SLC35F4: variants seen among roughly 807,000 people sequenced by gnomAD.
The protein encoded by SLC35F4 is solute carrier family 35 member F4.
A neutral mutation model predicts 44.2 loss-of-function variants in SLC35F4; 24 were observed. The ratio of observed to expected loss-of-function variants is 0.54; its 90% confidence interval spans 0.39 to 0.76. SLC35F4 has a LOEUF of 0.76. Among genes scored for constraint, SLC35F4 ranks in the 30% least tolerant of loss-of-function variants. The pLI is 0.00. For missense variants in SLC35F4, 562 were observed against 586.1 expected (o/e 0.96, Z 0.42); for synonymous variants, 238 against 223.6 (o/e 1.06, Z -0.57).
At chr14:57,877,084 C>A (rs530342439) in intron 1 of SLC35F4, among the ~76,000 whole-genome samples, 1 of 152,032 alleles carries the variant, frequency 6.6e-6, no homozygotes, top group South Asian at 2.1e-4. Context: ...CACGGGTTCA[C>A]GGTACAGATA....
intron 1 of SLC35F4, among the ~76,000 whole-genome samples, chr14:57,747,199 C>T (rs1278085975): frequency 2.6e-5 from 4 of 152,178 alleles, no homozygotes; most frequent in African/African-American, 7.2e-5. Context: ...TTATGATACA[C>T]GCAAATAAAA....
At chr14:57,898,573 A>G (rs957685076) in intron 1 of SLC35F4, among the ~76,000 whole-genome samples, 1 of 152,236 alleles carries the variant, frequency 6.6e-6, no homozygotes, top group African/African-American at 2.4e-5. Flanking sequence ...ATATATAGGC[A>G]TATGATGCAA....
chr14:57,898,355 T>C (rs913127505), intron 1 of SLC35F4, among the ~76,000 whole-genome samples: 3 of 152,250 alleles, frequency 2.0e-5, no homozygotes, highest in Non-Finnish European at 4.4e-5. Flanking sequence ...ATTCATGGCA[T>C]ACAATTAGGT....
At chr14:57,979,126 C>A (rs1594667839) in intron 1 of SLC35F4, among the ~76,000 whole-genome samples, 1 of 152,138 alleles carries the variant, frequency 6.6e-6, no homozygotes, top group East Asian at 1.9e-4. Context: ...ATCCACCAGG[C>A]AAGCAACCTA....
At chr14:57,841,009 C>T (rs1027873911) in intron 1 of SLC35F4, among the ~76,000 whole-genome samples, 2 of 152,156 alleles carry the variant, frequency 1.3e-5, no homozygotes, top group South Asian at 2.1e-4. Flanking sequence ...CTGACTCTTT[C>T]AGACACTGAC....
chr14:57,868,330 C>A (rs191005589), upstream of SLC35F4, among the ~76,000 whole-genome samples: 8 of 152,240 alleles, frequency 5.3e-5, no homozygotes, highest in Admixed American at 4.6e-4. Context: ...GAACTGAAAT[C>A]CTACAATTAT....
At chr14:57,813,399 G>A (rs997806070) in intron 1 of SLC35F4, among the ~76,000 whole-genome samples, 1 of 152,128 alleles carries the variant, frequency 6.6e-6, no homozygotes, top group African/African-American at 2.4e-5. Context: ...AGACCAGCCT[G>A]GCCTATATGG....
intron 1 of SLC35F4, among the ~76,000 whole-genome samples, chr14:57,706,692 C>T (rs765005224): frequency 8.6e-5 from 13 of 151,846 alleles, no homozygotes; most frequent in South Asian, 2.1e-4. Flanking sequence ...GTGGAGTGGG[C>T]GAAAGAAAGC....
chr14:57,666,959 G>T (rs2074330765), intron 1 of SLC35F4, among the ~76,000 whole-genome samples: 1 of 151,300 alleles, frequency 6.6e-6, no homozygotes, highest in Admixed American at 6.6e-5. Context: ...AAGGCCAAAT[G>T]CACGGAGTTC....
intron 1 of SLC35F4, among the ~76,000 whole-genome samples, chr14:57,957,411 C>T (rs1391968384): frequency 2.1e-5 from 3 of 144,664 alleles, no homozygotes; most frequent in African/African-American, 8.0e-5. Context: ...ACGTTCTGCA[C>T]ACGTACCCCA....
chr14:57,973,573 G>A (rs1881118385), downstream of SLC35F4, among the ~76,000 whole-genome samples: 1 of 152,166 alleles, frequency 6.6e-6, no homozygotes, highest in African/African-American at 2.4e-5. Context: ...AATAAATGTT[G>A]TGGCCCAATC....
chr14:57,852,083 G>T (rs998445998), intron 1 of SLC35F4, among the ~76,000 whole-genome samples: 2 of 152,146 alleles, frequency 1.3e-5, no homozygotes, highest in Non-Finnish European at 2.9e-5. Context: ...TACTCTTAGG[G>T]ACATAAGAAT....
At chr14:57,614,646 C>T (rs1199517735) in intron 1 of SLC35F4, among the ~76,000 whole-genome samples, 2 of 152,214 alleles carry the variant, frequency 1.3e-5, no homozygotes, top group Admixed American at 6.5e-5. Context: ...TGACCATTCT[C>T]CCTCAGGCAA....
chr14:57,933,931 A>C (rs182242553), intron 1 of SLC35F4, among the ~76,000 whole-genome samples: 41 of 152,296 alleles, frequency 2.7e-4, no homozygotes, highest in African/African-American at 9.4e-4. Context: ...TCGAGCAGGA[A>C]AGCTTTGTTT....
Position 57,734,985 on chromosome 14 carries a change from A to G in SLC35F4, c.103+130738T>C, listed in dbSNP as rs1402785666. On this transcript the variant is annotated intron_variant, in intron 1 of 7. Coordinates refer to ENST00000556826, the MANE Select transcript of SLC35F4 (RefSeq NM_001306087.2). ...AGTTAGGAAAAATTTTAACAGCTAC[A>G]TGAAGCATCCTGATTATTCTATATG... Among the ~76,000 whole-genome samples, 3 of 152,204 alleles carry G rather than the reference A, an allele frequency of 2.0e-5. No homozygotes were observed. The East Asian group carries it at 5.8e-4, about 30-fold the overall frequency.
chr14:57,945,439 A>ATGTGTGTGTGTGTGTGTG lies in SLC35F4; in HGVS notation n.282+36456_282+36473dup, dbSNP rs58976756. Among the ~76,000 whole-genome samples the ATGTGTGTGTGTGTGTGTG allele has an allele frequency of 3.8e-5, 4 of 104,690 alleles. 1 individual carries two copies. Among genetic ancestry groups the ATGTGTGTGTGTGTGTGTG allele is most frequent in the Admixed American group, 9.0e-5 (1 of 11,164 alleles). 68.7% of individuals were successfully genotyped at this position (104,690 alleles called of 152,430 possible). On this transcript the variant is annotated intron_variant and non_coding_transcript_variant, in intron 1 of 1. Coordinates refer to the SLC35F4 transcript ENST00000556568. ...TCTTTACCAGGTAAGAGCAATGATA[A>ATGTGTGTGTGTGTGTGTG]TGTGTGTGTGTGTGTGTGTGTGTGT...
At chr14:57,934,887 G>A (rs1013421431) in intron 1 of SLC35F4, among the ~76,000 whole-genome samples, 2 of 152,202 alleles carry the variant, frequency 1.3e-5, no homozygotes, top group African/African-American at 4.8e-5. Flanking sequence ...CAGCATGTCA[G>A]CTTTATTACT....
At chr14:57,647,648 T>C (rs1308067859) in intron 1 of SLC35F4, among the ~76,000 whole-genome samples, 2 of 152,148 alleles carry the variant, frequency 1.3e-5, no homozygotes, top group Non-Finnish European at 2.9e-5. Flanking sequence ...TATTGAAAAA[T>C]ATTCTTCGCA....
chr14:57,735,436 CT>C (rs1487398570), intron 1 of SLC35F4, among the ~76,000 whole-genome samples: 2 of 152,132 alleles, frequency 1.3e-5, no homozygotes, highest in East Asian at 3.9e-4. Context: ...CTGCATTCAG[CT>C]AGAGAGTTGG....
Sources: gnomAD v4.1 joint callset for allele counts (sites outside exome capture counted in the v4.1 genomes callset) on GRCh38, gnomAD v4.1.1 for gene constraint, MANE v1.5 for transcripts, NCBI Gene and HGNC (gene_info 2026-07-23, HGNC 2026-07-21) for gene names.